GPT2: variants seen among roughly 807,000 people sequenced by gnomAD.
The protein encoded by GPT2 is alanine aminotransferase 2.
Under a neutral mutation model 56.9 loss-of-function variants are expected in GPT2, and 30 were observed. The ratio of observed to expected loss-of-function variants is 0.53; its 90% confidence interval spans 0.39 to 0.72. GPT2 has a LOEUF of 0.72. Ranked by LOEUF, GPT2 falls within the 30% of genes least tolerant of loss-of-function variation. The probability of loss-of-function intolerance (pLI) is 0.00; values close to 1 mark genes in which losing one functional copy is unlikely to be tolerated. For synonymous variants in GPT2, 271 were observed against 283.1 expected (o/e 0.96, Z 0.43); for missense variants, 542 against 703.4 (o/e 0.77, Z 2.60).
intron 4 of GPT2, among the ~76,000 whole-genome samples, chr16:46,905,719 G>T (rs530164213): frequency 6.6e-6 from 1 of 152,002 alleles, no homozygotes; most frequent in Non-Finnish European, 1.5e-5. Flanking sequence ...CTTTTTTATG[G>T]AGGTAAAAAT....
At chr16:46,905,531 A>G (rs1332770921) in intron 4 of GPT2, among the ~76,000 whole-genome samples, 4 of 152,160 alleles carry the variant, frequency 2.6e-5, no homozygotes, top group Non-Finnish European at 5.9e-5. Flanking sequence ...CAAAAGATCT[A>G]AAAGAATATA....
chr16:46,907,578 G>C (rs1350333689), intron 5 of GPT2, among the ~76,000 whole-genome samples: 1 of 152,222 alleles, frequency 6.6e-6, no homozygotes, highest in African/African-American at 2.4e-5. Context: ...CAGAGGCCTA[G>C]AGCTGGCAGG....
At chr16:46,885,027 T>G (rs1960457224) in intron 2 of GPT2, 69 bp downstream of exon 2, 2 of 1,393,054 alleles carry the variant, frequency 1.4e-6, no homozygotes, top group Non-Finnish European at 1.9e-6. Flanking sequence ...CAGCCCCAGC[T>G]GGGGTCCTTC....
intron 6 of GPT2, 112 bp from the exon 7 acceptor site, chr16:46,916,516 T>C (rs1451907491): frequency 2.5e-6 from 2 of 810,842 alleles, no homozygotes; most frequent in Non-Finnish European, 4.4e-6. Flanking sequence ...GAGGGTGTTC[T>C]ATGGGTCTCA....
At position 46,902,631 on chromosome 16, in the gene GPT2, A is replaced by G. The variant is rs1428990100; in HGVS notation, c.442+1841A>G. ...GTCTTGAAGCTCATCCAGAGATTTT[A>G]TTTATTTTTTTGAAACAGAGTGTCA... On this transcript the variant is annotated intron_variant, in intron 4 of 11. Coordinates refer to ENST00000340124, the MANE Select transcript of GPT2 (RefSeq NM_133443.4). Among the ~76,000 whole-genome samples, 4 of 152,054 alleles carry G rather than the reference A, an allele frequency of 2.6e-5. No homozygotes were observed. The East Asian group carries it at 7.8e-4, about 30-fold the overall frequency.
intron 10 of GPT2, among the ~76,000 whole-genome samples, chr16:46,925,675 A>G (rs1338183898): frequency 6.6e-6 from 1 of 152,024 alleles, no homozygotes; most frequent in Non-Finnish European, 1.5e-5. Context: ...CAAAAAATTT[A>G]AAACTTAGCT....
chr16:46,912,138 G>A (rs900470970), intron 6 of GPT2, among the ~76,000 whole-genome samples: 1 of 152,158 alleles, frequency 6.6e-6, no homozygotes, highest in African/African-American at 2.4e-5. Flanking sequence ...TGACCAGGGT[G>A]GCTTAAAGGT....
chr16:46,911,338 G>T (rs1961043277), intron 6 of GPT2, among the ~76,000 whole-genome samples: 2 of 152,136 alleles, frequency 1.3e-5, no homozygotes, highest in Admixed American at 6.6e-5. Flanking sequence ...TTGGGTCAGG[G>T]CCAAAATGCA....
rs35803215 is a variant in GPT2, at chr16:46,889,246, A to ATTTTT, written c.243+4310_243+4314dup. Among the ~76,000 whole-genome samples the ATTTTT allele has an allele frequency of 4.3e-4, 41 of 94,944 alleles. 1 individual carries two copies. Among genetic ancestry groups the ATTTTT allele is most frequent in the Admixed American group, 6.2e-4 (4 of 6,472 alleles). 62.3% of individuals were successfully genotyped at this position (94,944 alleles called of 152,430 possible). On this transcript the variant is annotated intron_variant, in intron 2 of 11. Coordinates refer to ENST00000340124, the MANE Select transcript of GPT2 (RefSeq NM_133443.4). ...GTTTGCCATGTTGCCCAGGCTGTTA[A>ATTTTT]TTTTTTTTTTTTTTTTTTTTTTTTT...
intron 8 of GPT2, among the ~76,000 whole-genome samples, chr16:46,919,611 G>A (rs1961243373): frequency 6.6e-6 from 1 of 152,238 alleles, no homozygotes; most frequent in East Asian, 1.9e-4. Flanking sequence ...GCAGTGGCAG[G>A]AGTGGAGACC....
At chr16:46,912,902 C>G (rs1307625044) in intron 6 of GPT2, among the ~76,000 whole-genome samples, 1 of 152,222 alleles carries the variant, frequency 6.6e-6, no homozygotes, top group East Asian at 1.9e-4. Flanking sequence ...TGATCTGTCA[C>G]TCAAAGGAGG....
In GPT2 at chr16:46,925,613, T is replaced by C. The variant is rs529486017; in HGVS notation, c.1368+1069T>C. Among the ~76,000 whole-genome samples the C allele has an allele frequency of 3.1e-3, 469 of 152,136 alleles. 3 individuals are homozygous for C. Among genetic ancestry groups the C allele is most frequent in the African/African-American group, 0.011 (453 of 41,504 alleles). On this transcript the variant is annotated intron_variant, in intron 10 of 11. Coordinates refer to ENST00000340124, the MANE Select transcript of GPT2 (RefSeq NM_133443.4). ...TGGGAGGCTGAAGTGGGAGGATCAT[T>C]TGAGCCCAGGAGTTCGAGACCAGCC...
Position 46,924,497 on chromosome 16 carries a change from G to A in GPT2, c.1321G>A (p.Ala441Thr), listed in dbSNP as rs781604487. Residue 441 changes from alanine (A) to threonine (T), a missense_variant, in exon 10 of 12, where the codon GCC becomes ACC. Transcript: ENST00000340124. ...CAACCCCTTGCAGGGGGCCATGTAC[G>A]CCTTCCCTCGGATCTTCATTCCTGC... The part of the protein sequence containing the change: ...HCNPLQGAMY[A>T]FPRIFIPAKA... The A allele has an allele frequency of 3.7e-6, 6 of 1,614,120 alleles. No individual in the cohort carries two copies. Among genetic ancestry groups the A allele is most frequent in the Admixed American group, 3.3e-5 (2 of 60,002 alleles).
At chr16:46,899,015 ATATATATATATATATATATATTT>A (rs1960758947) in intron 3 of GPT2, among the ~76,000 whole-genome samples, 1 of 2,824 alleles carries the variant, frequency 3.5e-4, no homozygotes, top group African/African-American at 6.8e-4. Flanking sequence ...ATATATATAT[ATATATATATATATATATATATTT>A]TTTTTTTTTT....
chr16:46,904,956 G>A (rs1194633550), intron 4 of GPT2, among the ~76,000 whole-genome samples: 1 of 152,110 alleles, frequency 6.6e-6, no homozygotes. Flanking sequence ...ACGTTTGCCA[G>A]TTGGCACCTT....
In GPT2 at chr16:46,929,469, G is replaced by GCC. The variant is rs1961488555; in HGVS notation, c.*475_*476dup. 1 of 165,212 alleles carries GCC rather than the reference G, an allele frequency of 6.1e-6. No individual in the cohort carries two copies. Among genetic ancestry groups the GCC allele is most frequent in the South Asian group, 1.6e-4 (1 of 6,138 alleles). The allele number at this position is 165,212 out of a possible 1,614,324, so 10.2% of individuals were successfully genotyped here. On this transcript the variant is annotated 3_prime_UTR_variant, in exon 12 of 12. Coordinates refer to ENST00000340124, the MANE Select transcript of GPT2 (RefSeq NM_133443.4). ...TCCTTTGAACAGAAGGGCCTGGAAG[G>GCC]CCCCTGGGGCTGAGAAAGGGTCCGC... is the stretch of plus-strand genomic sequence containing the variant.
chr16:46,929,205 A>C lies in GPT2; in HGVS notation c.*208A>C. The C allele has an allele frequency of 1.7e-6, 1 of 572,078 alleles. No homozygotes were observed. 35.4% of individuals were successfully genotyped at this position (572,078 alleles called of 1,614,324 possible). A position where few individuals can be genotyped will look rare whatever the true frequency, so the allele number is the denominator to read the frequency against. On this transcript the variant is annotated 3_prime_UTR_variant, in exon 12 of 12. Transcript: ENST00000340124. ...GCAAACAAGCATTCTATATGCAACC[A>C]GAGTAGAGGGGACCTGCTCAGCAGG...
At chr16:46,892,150 T>C (rs375866933) in intron 2 of GPT2, among the ~76,000 whole-genome samples, 12 of 152,200 alleles carry the variant, frequency 7.9e-5, no homozygotes, top group East Asian at 7.7e-4. Flanking sequence ...AGTTTAACTT[T>C]TTTAGATTCC....
intron 6 of GPT2, among the ~76,000 whole-genome samples, chr16:46,914,878 C>CA (rs989207695): frequency 2.0e-5 from 3 of 152,082 alleles, no homozygotes; most frequent in African/African-American, 7.2e-5. Context: ...GGGGGGAGGG[C>CA]ACAAGCTGAT....
Sources: allele counts gnomAD v4.1 joint callset (sites outside exome capture counted in the v4.1 genomes callset), GRCh38; gene constraint gnomAD v4.1.1; transcripts MANE v1.5; gene names NCBI Gene and HGNC (gene_info 2026-07-23, HGNC 2026-07-21).